The following QSER1 variants were observed in gnomAD, a reference collection of about 807,000 sequenced individuals.
The protein encoded by QSER1 is glutamine and serine rich 1.
A neutral mutation model predicts 158.5 loss-of-function variants in QSER1; 49 were observed. The ratio of observed to expected loss-of-function variants is 0.31; its 90% CI spans 0.25 to 0.39. QSER1 has a LOEUF of 0.39. Ranked by LOEUF, QSER1 falls within the 10% of genes least tolerant of loss-of-function variation. The probability of loss-of-function intolerance (pLI) is 1.00; values close to 1 mark genes in which losing one functional copy is unlikely to be tolerated. For missense variants in QSER1, 1,754 were observed against 2,010.3 expected (o/e 0.87, Z 2.44); for synonymous variants, 650 against 715.5 (o/e 0.91, Z 1.46).
chr11:32,974,042 T>C (rs1852923187), intron 11 of QSER1, among the ~76,000 whole-genome samples: 1 of 152,216 alleles, frequency 6.6e-6, no homozygotes, highest in Non-Finnish European at 1.5e-5. Flanking sequence ...GTCATTAAAA[T>C]TGGAATTTGT....
intron 7 of QSER1, among the ~76,000 whole-genome samples, chr11:32,956,821 G>A (rs1179939945): frequency 1.3e-5 from 2 of 152,160 alleles, no homozygotes; most frequent in African/African-American, 4.8e-5. Context: ...TGTCACTAAG[G>A]CTGCAGTGTA....
At position 32,896,482 on chromosome 11, in the gene QSER1, G is replaced by A. The variant is rs543196854; in HGVS notation, c.209+3148G>A. ...CAGTTCTCCTGCCTCAGCCTCCTGA[G>A]TAGCTAACCACACCTGGCTAATTTT... is the stretch of plus-strand genomic sequence containing the variant. On this transcript the variant is annotated intron_variant, in intron 1 of 12. Transcript: ENST00000650167. 2.6e-5 allele frequency among the ~76,000 whole-genome samples: 4 copies of A among 152,248 alleles called. No individual in the cohort carries two copies. The East Asian group carries it at 7.7e-4, about 29-fold the overall frequency.
chr11:32,965,738 G>C (rs199973718), intron 8 of QSER1, among the ~76,000 whole-genome samples: 4 of 152,128 alleles, frequency 2.6e-5, no homozygotes, highest in Non-Finnish European at 5.9e-5. Flanking sequence ...CCTGAGGTCA[G>C]GAGTTCAAGA....
intron 4 of QSER1, among the ~76,000 whole-genome samples, chr11:32,938,192 G>A (rs1852179895): frequency 6.6e-6 from 1 of 152,124 alleles, no homozygotes; most frequent in Non-Finnish European, 1.5e-5. Flanking sequence ...ATGGGACATG[G>A]TGATACAGTC....
chr11:32,975,467 T>C, intron 12 of QSER1, 124 bp downstream of exon 12: 1 of 1,520,562 alleles, frequency 6.6e-7, no homozygotes, highest in Non-Finnish European at 8.8e-7. Context: ...TTTGTCTATG[T>C]ATTCTGTAAA....
Position 32,932,429 on chromosome 11 carries a change from C to T in QSER1, c.1171C>T (p.Gln391Ter). ...KTSQVSVELA[Q>*]SYSSAIPSSG... ...CTCCCAGGTCTCAGTGGAACTTGCTCAGTCTTACTCATCTGCGATTCCATC... is the reference window on the plus strand; with the variant it reads ...CTCCCAGGTCTCAGTGGAACTTGCTTAGTCTTACTCATCTGCGATTCCATC... The change falls in exon 4 of 13, where the codon CAG becomes TAG. Residue 391 changes from glutamine to a stop codon, truncating the protein, a stop_gained. Coordinates refer to ENST00000650167, the MANE Select transcript of QSER1 (RefSeq NM_001076786.3). LOFTEE classifies it high-confidence loss of function. 1.9e-6 allele frequency: 3 copies of T among 1,613,080 alleles called. No homozygotes were observed. Among genetic ancestry groups the T allele is most frequent in the Non-Finnish European group, 2.5e-6 (3 of 1,179,968 alleles).
At position 32,893,985 on chromosome 11, in the gene QSER1, G is replaced by T. The variant is rs930367917; in HGVS notation, c.209+651G>T. On this transcript the variant is annotated intron_variant, in intron 1 of 12. Coordinates refer to ENST00000650167, the MANE Select transcript of QSER1 (RefSeq NM_001076786.3). This position sits in a 1 kb window ranked among gnomAD's most constrained non-coding sequence, Gnocchi z 4.7. ...TTCCACGCGTTCAAAGTTGCTCTTAGGTTTCCTCCCCTTTTAACAACAGCA... is the reference window on the plus strand; with the variant it reads ...TTCCACGCGTTCAAAGTTGCTCTTATGTTTCCTCCCCTTTTAACAACAGCA... Among the ~76,000 whole-genome samples, 1 of 152,032 alleles carries T rather than the reference G, an allele frequency of 6.6e-6. No homozygotes were observed. The highest frequency in any genetic ancestry group is 1.5e-5 in the Non-Finnish European group (1 of 68,002).
At chr11:32,936,340 T>C (rs1564936552) in intron 4 of QSER1, among the ~76,000 whole-genome samples, 1 of 152,216 alleles carries the variant, frequency 6.6e-6, no homozygotes, top group Non-Finnish European at 1.5e-5. Flanking sequence ...TCCAGCTTCA[T>C]CCATGTCCCT....
rs1368684390 is a variant in QSER1, at chr11:32,977,641, T to C, written c.*1167T>C. 1 of 152,634 alleles carries C rather than the reference T, an allele frequency of 6.6e-6. No individual in the cohort carries two copies. Among genetic ancestry groups the C allele is most frequent in the African/African-American group, 2.4e-5 (1 of 41,458 alleles). 9.5% of individuals were successfully genotyped at this position (152,634 alleles called of 1,614,324 possible). On this transcript the variant is annotated 3_prime_UTR_variant, in exon 13 of 13. Coordinates refer to ENST00000650167, the MANE Select transcript of QSER1 (RefSeq NM_001076786.3). The stretch of plus-strand genomic sequence containing the variant: ...GTGCCTTTCCAGCCTTTATACACAC[T>C]ATTGTAGCTTTCTTAGGTTTGATAG...
rs201526834 is a variant in QSER1 at position 32,934,728 on chromosome 11, G to T, written c.3470G>T (p.Gly1157Val). 28 of 1,613,636 alleles carry T rather than the reference G, an allele frequency of 1.7e-5. No individual in the cohort carries two copies. The highest frequency in any genetic ancestry group is 1.6e-4 in the Middle Eastern group (1 of 6,076). The change falls in exon 4 of 13, where the codon GGG (glycine) becomes GTG (valine). Residue 1157 changes from glycine (G) to valine (V), a missense_variant. This residue lies in a region of QSER1 where 1,707 missense variants were observed against 1,919.6 expected (regional missense o/e 0.89). Transcript: ENST00000650167. ...NATSESEFTL[G>V]GDDSGVSMNP... The stretch of plus-strand genomic sequence containing the variant: ...ACATCAGAGAGTGAATTTACCTTAG[G>T]GGGTGACGACAGTGGTGTGTCAATG...
chr11:32,977,935 T>A lies in QSER1; in HGVS notation c.*1461T>A, dbSNP rs1424998734. The stretch of plus-strand genomic sequence containing the variant: ...AAGACACGCGGATATTGCTATTGTC[T>A]TGCTTTTGAGTTAACAGGCCAACTT... On this transcript the variant is annotated 3_prime_UTR_variant, in exon 13 of 13. Coordinates refer to ENST00000650167, the MANE Select transcript of QSER1 (RefSeq NM_001076786.3). The A allele has an allele frequency of 6.6e-6, 1 of 152,650 alleles. No homozygotes were observed. The highest frequency in any genetic ancestry group is 1.5e-5 in the Non-Finnish European group (1 of 68,028). The allele number at this position is 152,650 out of a possible 1,614,324, so 9.5% of individuals were successfully genotyped here. A position where few individuals can be genotyped will look rare whatever the true frequency, so the allele number is the denominator to read the frequency against.
chr11:32,931,339 G>A (rs1274840029), intron 3 of QSER1, among the ~76,000 whole-genome samples: 1 of 152,074 alleles, frequency 6.6e-6, no homozygotes, highest in Middle Eastern at 3.2e-3. Context: ...CATCACTTTG[G>A]TAGACCGAGA....
chr11:32,960,337 G>T (rs372447215), intron 8 of QSER1, among the ~76,000 whole-genome samples: 1 of 152,054 alleles, frequency 6.6e-6, no homozygotes, highest in Non-Finnish European at 1.5e-5. Flanking sequence ...AGGGTGGATC[G>T]CCTGATGTCA....
At position 32,969,686 on chromosome 11, in the gene QSER1, CT is replaced by C. The variant is rs1321422488; in HGVS notation, c.5205+559del. On this transcript the variant is annotated intron_variant, in intron 10 of 12. Transcript: ENST00000650167. The stretch of plus-strand genomic sequence containing the variant: ...TTTCTAGCTTTTTTTCTTTTCTTTT[CT>C]TTTTTTTTTTTTTTTGAGACAGAGT... Among the ~76,000 whole-genome samples, 640 of 134,678 alleles carry C rather than the reference CT, an allele frequency of 4.8e-3. 2 individuals are homozygous for C. The highest frequency in any genetic ancestry group is 0.012 in the Middle Eastern group (3 of 250). The allele number at this position is 134,678 out of a possible 152,430, so 88.4% of individuals were successfully genotyped here.
At chr11:32,924,246 G>C (rs1851937393) in intron 1 of QSER1, among the ~76,000 whole-genome samples, 1 of 151,718 alleles carries the variant, frequency 6.6e-6, no homozygotes, top group Admixed American at 6.6e-5. Flanking sequence ...TTCACACTGA[G>C]CAAAAATTAA....
intron 1 of QSER1, among the ~76,000 whole-genome samples, chr11:32,906,678 G>T (rs1851698852): frequency 1.3e-5 from 2 of 152,154 alleles, no homozygotes; most frequent in African/African-American, 4.8e-5. Flanking sequence ...CTCCCAAAGT[G>T]CTGGGATTAT....
At chr11:32,963,605 C>A (rs1198224103) in intron 8 of QSER1, among the ~76,000 whole-genome samples, 2 of 151,998 alleles carry the variant, frequency 1.3e-5, no homozygotes, top group Non-Finnish European at 2.9e-5. Flanking sequence ...CCCGCCTCGG[C>A]CTCCCAAAAT....
intron 8 of QSER1, among the ~76,000 whole-genome samples, chr11:32,959,622 A>G (rs888413320): frequency 6.6e-6 from 1 of 152,152 alleles, no homozygotes; most frequent in Admixed American, 6.5e-5. Context: ...TGTTGGGGCT[A>G]TGGTTGAAGT....
chr11:32,907,886 GC>G, intron 1 of QSER1, among the ~76,000 whole-genome samples: 1 of 152,174 alleles, frequency 6.6e-6, no homozygotes, highest in East Asian at 1.9e-4. Context: ...GATCCCTTGA[GC>G]CCAGTAGTAT....
Sources: gnomAD v4.1 joint callset for allele counts (sites outside exome capture counted in the v4.1 genomes callset) on GRCh38, gnomAD v4.1.1 for gene constraint, gnomAD v4.1.1 regional missense constraint, Gnocchi (gnomAD v3.1) non-coding constraint, MANE v1.5 for transcripts, NCBI Gene and HGNC (gene_info 2026-07-23, HGNC 2026-07-21) for gene names.